NBEA: variants seen among roughly 807,000 people sequenced by gnomAD.
NBEA encodes lysosomal-trafficking regulator 2.
NBEA carries 44 observed loss-of-function variants against 343.4 expected under a neutral mutation model. That is an observed-to-expected ratio of 0.13 (90% CI 0.10 to 0.16). NBEA has a LOEUF of 0.16. Among genes scored for constraint, NBEA ranks in the 10% least tolerant of loss-of-function variants. The pLI, the probability that NBEA is intolerant of heterozygous loss-of-function variation, is 1.00. For missense variants in NBEA, 2,555 were observed against 3,631.3 expected (o/e 0.70, Z 7.62); for synonymous variants, 1,175 against 1,238.7 (o/e 0.95, Z 1.08).
intron 16 of NBEA, among the ~76,000 whole-genome samples, chr13:35,120,193 G>A (rs867723712): frequency 5.9e-5 from 9 of 152,022 alleles, no homozygotes; most frequent in East Asian, 1.9e-4. Context: ...TTGACACATC[G>A]GAAATATGAT....
At chr13:35,640,897 A>G (rs1395742803) in intron 49 of NBEA, among the ~76,000 whole-genome samples, 2 of 151,852 alleles carry the variant, frequency 1.3e-5, no homozygotes, top group Non-Finnish European at 2.9e-5. Flanking sequence ...AACTTCCTCA[A>G]GGTGTTCAAC....
At chr13:35,043,791 T>C (rs2062745060) in intron 2 of NBEA, among the ~76,000 whole-genome samples, 1 of 151,950 alleles carries the variant, frequency 6.6e-6, no homozygotes, top group Non-Finnish European at 1.5e-5. Flanking sequence ...AAGTCTCAAA[T>C]TCCAGTTATT....
At chr13:35,164,994 T>A (rs888597558) in intron 24 of NBEA, 14 of 475,162 alleles carry the variant, frequency 2.9e-5, no homozygotes, top group Non-Finnish European at 5.5e-5. Flanking sequence ...GTATTTTAGT[T>A]GTCATTAAAA....
intron 49 of NBEA, among the ~76,000 whole-genome samples, chr13:35,639,915 G>A (rs1334186273): frequency 7.0e-6 from 1 of 143,576 alleles, no homozygotes; most frequent in Non-Finnish European, 1.5e-5. Flanking sequence ...CTGTAGACCT[G>A]ACGGCATTTC....
At chr13:35,344,343 C>CA (rs542340476) in intron 36 of NBEA, among the ~76,000 whole-genome samples, 391 of 148,924 alleles carry the variant, frequency 2.6e-3, no homozygotes, top group Middle Eastern at 0.017. Flanking sequence ...TCTCTAACTG[C>CA]AAAAAAAAAT....
chr13:34,983,629 C>G (rs1203436619), intron 1 of NBEA, among the ~76,000 whole-genome samples: 9 of 152,172 alleles, frequency 5.9e-5, no homozygotes, highest in South Asian at 2.1e-4. Flanking sequence ...CTAGTTTACA[C>G]TCTCACCAAC....
chr13:35,170,465 T>G (rs2070376748), intron 25 of NBEA, among the ~76,000 whole-genome samples: 1 of 151,874 alleles, frequency 6.6e-6, no homozygotes, highest in African/African-American at 2.4e-5. Flanking sequence ...ATAATTAAAA[T>G]GCTGTATAGT....
intron 38 of NBEA, among the ~76,000 whole-genome samples, chr13:35,426,744 C>T (rs1224364787): frequency 6.6e-6 from 1 of 152,150 alleles, no homozygotes; most frequent in East Asian, 1.9e-4. Context: ...AGAGTGTTTT[C>T]CAACTTGGTT....
At chr13:35,082,721 C>G (rs1055371015) in intron 10 of NBEA, among the ~76,000 whole-genome samples, 23 of 152,146 alleles carry the variant, frequency 1.5e-4, no homozygotes, top group African/African-American at 4.1e-4. Context: ...GTCTTCTTTT[C>G]AGAAGTGTCT....
chr13:35,346,404 A>T (rs898548927), intron 36 of NBEA, among the ~76,000 whole-genome samples: 1 of 152,112 alleles, frequency 6.6e-6, no homozygotes, highest in Non-Finnish European at 1.5e-5. Context: ...TAATATGATC[A>T]AAAGTTAATA....
Position 35,182,416 on chromosome 13 carries a change from T to C in NBEA, c.4719T>C (p.Val1573=). 6.2e-7 allele frequency: 1 copy of C among 1,611,004 alleles called. No individual in the cohort carries two copies. The highest frequency in any genetic ancestry group is 8.5e-7 in the Non-Finnish European group (1 of 1,177,936). The change falls in exon 29 of 59, where the codon GTT becomes GTC. Residue 1573 remains valine (V), a synonymous_variant. Transcript: ENST00000379939. ...LALAVVYFIS[V]LMVSKYRDIL... is the part of the protein sequence containing the mutation. ...TGGCTGTTGTTTACTTCATTTCGGT[T>C]CTGATGGTTTCCAAGTATCGTGACA...
intron 33 of NBEA, among the ~76,000 whole-genome samples, chr13:35,214,018 CTG>C (rs2073931033): frequency 6.6e-6 from 1 of 151,892 alleles, no homozygotes; most frequent in Non-Finnish European, 1.5e-5. Flanking sequence ...TTTTTGGTGT[CTG>C]TCTTCTTTCA....
chr13:35,126,762 AC>A (rs1324729456), intron 17 of NBEA, among the ~76,000 whole-genome samples: 1 of 151,896 alleles, frequency 6.6e-6, no homozygotes, highest in Non-Finnish European at 1.5e-5. Flanking sequence ...TACTAAAAAT[AC>A]AAAAATTAGC....
chr13:35,636,345 T>C (rs1355043342), intron 49 of NBEA, among the ~76,000 whole-genome samples: 1 of 152,210 alleles, frequency 6.6e-6, no homozygotes, highest in Admixed American at 6.5e-5. Flanking sequence ...TAAATTACTG[T>C]TGCCCATTTA....
intron 45 of NBEA, among the ~76,000 whole-genome samples, chr13:35,569,576 A>G (rs903614599): frequency 6.6e-6 from 1 of 152,150 alleles, no homozygotes; most frequent in African/African-American, 2.4e-5. Context: ...TCAGTTGTTC[A>G]GTCAACAAAT....
chr13:35,389,970 A>T (rs867471989), intron 38 of NBEA, among the ~76,000 whole-genome samples: 1 of 137,962 alleles, frequency 7.2e-6, no homozygotes, highest in African/African-American at 2.7e-5. Context: ...TCTTTTGTAG[A>T]GTGTGTGTGT....
chr13:35,211,922 T>C (rs1475955782), intron 33 of NBEA, among the ~76,000 whole-genome samples: 1 of 152,038 alleles, frequency 6.6e-6, no homozygotes, highest in Non-Finnish European at 1.5e-5. Flanking sequence ...TAAGCAAACA[T>C]TACCTTATCT....
intron 36 of NBEA, among the ~76,000 whole-genome samples, chr13:35,323,013 C>T (rs1033152758): frequency 8.5e-5 from 13 of 152,188 alleles, no homozygotes; most frequent in Admixed American, 5.2e-4. Flanking sequence ...CCATGCCCAG[C>T]TGCATTTTGT....
intron 1 of NBEA, among the ~76,000 whole-genome samples, chr13:35,001,833 A>T (rs2061152115): frequency 6.6e-6 from 1 of 152,166 alleles, no homozygotes; most frequent in Admixed American, 6.5e-5. Context: ...CAACACAAAG[A>T]CGTGAAAAAT....
Sources: allele counts gnomAD v4.1 joint callset (sites outside exome capture counted in the v4.1 genomes callset), GRCh38; gene constraint gnomAD v4.1.1; transcripts MANE v1.5; gene names NCBI Gene and HGNC (gene_info 2026-07-23, HGNC 2026-07-21).